Variants in AMPH observed in about 807,000 individuals in gnomAD.
AMPH encodes amphiphysin (Stiff-Mann syndrome with breast cancer 128kD autoantigen).
A neutral mutation model predicts 99.1 loss-of-function variants in AMPH; 49 were observed. The observed-to-expected ratio is 0.49, with a 90% CI of 0.39 to 0.63. The LOEUF is 0.63. AMPH is among the 20% of genes least tolerant of loss of function. AMPH has a pLI of 0.00. For missense variants in AMPH, 759 were observed against 863.4 expected (o/e 0.88, Z 1.52); for synonymous variants, 314 against 317.3 (o/e 0.99, Z 0.11).
chr7:38,395,632 G>A (rs547077128), intron 17 of AMPH, among the ~76,000 whole-genome samples: 60 of 152,238 alleles, frequency 3.9e-4, no homozygotes, highest in African/African-American at 1.2e-3. Flanking sequence ...TAATATATCC[G>A]GGACACATAT....
At chr7:38,526,691 G>A (rs879943211) in intron 2 of AMPH, among the ~76,000 whole-genome samples, 2 of 151,962 alleles carry the variant, frequency 1.3e-5, no homozygotes, top group Admixed American at 6.6e-5. Context: ...TATGTAGTTT[G>A]CAAATATTTT....
chr7:38,455,092 T>C (rs766637198), intron 11 of AMPH, among the ~76,000 whole-genome samples: 5 of 152,052 alleles, frequency 3.3e-5, no homozygotes, highest in Non-Finnish European at 5.9e-5. Flanking sequence ...TTTTTTTTTT[T>C]TCCTGAGATG....
intron 1 of AMPH, among the ~76,000 whole-genome samples, chr7:38,579,873 C>T (rs765451504): frequency 1.3e-5 from 2 of 152,130 alleles, no homozygotes; most frequent in Non-Finnish European, 2.9e-5. Flanking sequence ...TAAATTATGC[C>T]TAGGGAAAGA....
intron 3 of AMPH, among the ~76,000 whole-genome samples, chr7:38,501,273 C>A (rs1263837805): frequency 1.3e-5 from 2 of 152,198 alleles, no homozygotes; most frequent in Non-Finnish European, 2.9e-5. Context: ...TCACTGCAAC[C>A]TTCACCTCCC....
At position 38,429,763 on chromosome 7, in the gene AMPH, T is replaced by C. The variant is rs1785932028; in HGVS notation, c.1182+79A>G. 7.6e-6 allele frequency: 11 copies of C among 1,452,870 alleles called. No individual in the cohort carries two copies. The Admixed American group carries it at 1.2e-4, about 15-fold the overall frequency. The allele number at this position is 1,452,870 out of a possible 1,614,324, so 90.0% of individuals were successfully genotyped here. On this transcript the variant is annotated intron_variant, in intron 14 of 20. Transcript: ENST00000356264. ...GACTAGCAATGCCATGGGGAAACAG[T>C]TCATTCTAGAAAATATACTATGTAT...
chr7:38,472,016 A>T (rs2129012944), intron 7 of AMPH, among the ~76,000 whole-genome samples: 1 of 152,286 alleles, frequency 6.6e-6, no homozygotes, highest in South Asian at 2.1e-4. Context: ...AATAAGCCCA[A>T]TAATGGTGGG....
At chr7:38,448,749 CT>C (rs1408459809) in intron 11 of AMPH, among the ~76,000 whole-genome samples, 2 of 152,190 alleles carry the variant, frequency 1.3e-5, no homozygotes, top group African/African-American at 4.8e-5. Context: ...TACTCACAAT[CT>C]AGACCTATCG....
At chr7:38,588,225 T>C (rs559351568) in intron 1 of AMPH, among the ~76,000 whole-genome samples, 1 of 152,238 alleles carries the variant, frequency 6.6e-6, no homozygotes, top group Non-Finnish European at 1.5e-5. Flanking sequence ...AATGCTAGGA[T>C]TACAGGCGTG....
intron 17 of AMPH, among the ~76,000 whole-genome samples, chr7:38,414,019 A>G (rs1785293096): frequency 6.6e-6 from 1 of 152,234 alleles, no homozygotes; most frequent in African/African-American, 2.4e-5. Flanking sequence ...GGCAGGAGCC[A>G]TATCTATTTA....
chr7:38,475,805 T>C (rs1321990721), intron 6 of AMPH, among the ~76,000 whole-genome samples: 1 of 152,228 alleles, frequency 6.6e-6, no homozygotes, highest in Admixed American at 6.5e-5. Flanking sequence ...CAATGTGTTA[T>C]AGAGCATGCT....
chr7:38,613,309 T>C (rs1468716936), intron 1 of AMPH, among the ~76,000 whole-genome samples: 2 of 149,208 alleles, frequency 1.3e-5, no homozygotes, highest in South Asian at 2.1e-4. Flanking sequence ...AGTCCCCTTA[T>C]AGCATCATCA....
At chr7:38,584,955 T>A (rs1792592616) in intron 1 of AMPH, among the ~76,000 whole-genome samples, 1 of 152,186 alleles carries the variant, frequency 6.6e-6, no homozygotes, top group African/African-American at 2.4e-5. Context: ...AAATTTCCTA[T>A]CCCTTCTGAG....
At chr7:38,390,165 G>T (rs1021115230) in intron 19 of AMPH, among the ~76,000 whole-genome samples, 1 of 152,248 alleles carries the variant, frequency 6.6e-6, no homozygotes, top group South Asian at 2.1e-4. Flanking sequence ...TCTTATTTTT[G>T]TTAGAGATTT....
At chr7:38,400,756 A>C (rs148030169) in intron 17 of AMPH, among the ~76,000 whole-genome samples, 57 of 152,312 alleles carry the variant, frequency 3.7e-4, no homozygotes, top group African/African-American at 1.3e-3. Flanking sequence ...TCTTTGTGAT[A>C]TTAGCTCTGA....
chr7:38,625,436 A>G (rs371235886), intron 1 of AMPH, among the ~76,000 whole-genome samples: 6 of 152,228 alleles, frequency 3.9e-5, no homozygotes, highest in Admixed American at 3.3e-4. Context: ...TCCAGGAAAA[A>G]CAAAAAGCTG....
chr7:38,433,448 G>A (rs564107676), intron 12 of AMPH, among the ~76,000 whole-genome samples: 11 of 152,218 alleles, frequency 7.2e-5, no homozygotes, highest in South Asian at 4.1e-4. Flanking sequence ...GATCATGGCC[G>A]GGCGCGGTGG....
chr7:38,495,298 T>C (rs1035508383), intron 3 of AMPH, among the ~76,000 whole-genome samples: 1 of 152,166 alleles, frequency 6.6e-6, no homozygotes. Context: ...ATATTGAACA[T>C]TGAAATAAAT....
chr7:38,454,876 A>G (rs1787170481), intron 11 of AMPH, among the ~76,000 whole-genome samples: 2 of 152,194 alleles, frequency 1.3e-5, no homozygotes, highest in Admixed American at 1.3e-4. Context: ...CTATGGGCAA[A>G]TATGTTTTTG....
At chr7:38,627,791 A>G (rs375336802) in intron 1 of AMPH, among the ~76,000 whole-genome samples, 1 of 152,004 alleles carries the variant, frequency 6.6e-6, no homozygotes, top group East Asian at 1.9e-4. Flanking sequence ...GCTTTTATTC[A>G]TTAAAAGCTA....
Sources: allele counts gnomAD v4.1 joint callset (sites outside exome capture counted in the v4.1 genomes callset), GRCh38; gene constraint gnomAD v4.1.1; transcripts MANE v1.5; gene names NCBI Gene and HGNC (gene_info 2026-07-23, HGNC 2026-07-21).